RNPEP: variants seen among roughly 807,000 people sequenced by gnomAD.
The protein encoded by RNPEP is arginyl aminopeptidase, also known as aminopeptidase B.
Under a neutral mutation model 70.1 loss-of-function variants are expected in RNPEP, and 57 were observed. The observed-to-expected ratio is 0.81, with a 90% confidence interval of 0.66 to 1.01. The LOEUF (loss-of-function observed/expected upper bound fraction) is 1.01. RNPEP is among the 50% of genes least tolerant of loss of function. The pLI is 0.00. For missense variants in RNPEP, 787 were observed against 852.4 expected (o/e 0.92, Z 0.96); for synonymous variants, 335 against 357.4 (o/e 0.94, Z 0.71).
At chr1:201,990,379 C>T (rs537927937) in intron 3 of RNPEP, among the ~76,000 whole-genome samples, 1 of 151,420 alleles carries the variant, frequency 6.6e-6, no homozygotes, top group South Asian at 2.1e-4. Flanking sequence ...TTACATGGAT[C>T]TTGTGAAGAT....
chr1:202,000,667 C>G (rs570585264), intron 6 of RNPEP, among the ~76,000 whole-genome samples: 8 of 151,964 alleles, frequency 5.3e-5, no homozygotes, highest in Non-Finnish European at 8.8e-5. Context: ...CAGGTCAAAG[C>G]GGGTGGATCA....
At chr1:201,990,040 T>A (rs1440076554) in intron 3 of RNPEP, among the ~76,000 whole-genome samples, 1 of 152,182 alleles carries the variant, frequency 6.6e-6, no homozygotes, top group African/African-American at 2.4e-5. Context: ...AGACGGGGTT[T>A]CACCATGTTG....
At chr1:201,983,687 T>G in intron 1 of RNPEP, 1 of 1,172,928 alleles carries the variant, frequency 8.5e-7, no homozygotes, top group Non-Finnish European at 1.1e-6. Context: ...AGAATTTGAG[T>G]AAAAGTGAGA....
intron 1 of RNPEP, chr1:201,983,625 T>C (rs539540131): frequency 9.8e-6 from 12 of 1,228,412 alleles, no homozygotes; most frequent in Middle Eastern, 4.6e-4. Flanking sequence ...CGGTTAAAGC[T>C]CTTATCTTTG....
At chr1:201,990,283 C>A (rs1683279395) in intron 3 of RNPEP, among the ~76,000 whole-genome samples, 1 of 152,254 alleles carries the variant, frequency 6.6e-6, no homozygotes, top group Non-Finnish European at 1.5e-5. Flanking sequence ...GGTATCATTT[C>A]CCTCGAAGAG....
At chr1:202,005,480 G>C (rs1259397956) in intron 10 of RNPEP, 78 bp from the exon 11 acceptor site, 1 of 1,534,312 alleles carries the variant, frequency 6.5e-7, no homozygotes, top group African/African-American at 1.4e-5. Context: ...GCTGCTGTTA[G>C]ACTGGCACTG....
At chr1:202,001,179 G>A in intron 6 of RNPEP, 197 bp from the exon 7 acceptor site, 1 of 583,470 alleles carries the variant, frequency 1.7e-6, no homozygotes. Flanking sequence ...GAGATCTTAA[G>A]AGAGAGAGTC....
intron 6 of RNPEP, among the ~76,000 whole-genome samples, chr1:202,000,506 A>G (rs1683752709): frequency 6.6e-6 from 1 of 152,184 alleles, no homozygotes; most frequent in Non-Finnish European, 1.5e-5. Context: ...ATGTGTGACT[A>G]ATCTGAAACC....
At chr1:201,999,839 G>T in intron 5 of RNPEP, 63 bp from the exon 6 acceptor site, 1 of 1,339,176 alleles carries the variant, frequency 7.5e-7, no homozygotes, top group Non-Finnish European at 1.1e-6. Context: ...GTCTCTGTCA[G>T]GAAAATACAC....
chr1:201,982,765 C>T lies in RNPEP; in HGVS notation c.99C>T (p.Ala33=), dbSNP rs1682981051. The T allele has an allele frequency of 3.7e-6, 5 of 1,362,944 alleles. No individual in the cohort carries two copies. In the Admixed American group the frequency reaches 2.0e-4, roughly 54 times the overall value. The allele number at this position is 1,362,944 out of a possible 1,614,324, so 84.4% of individuals were successfully genotyped here. The change falls in exon 1 of 11, where the codon GCC becomes GCT. Residue 33 remains alanine, a synonymous_variant. Transcript: ENST00000295640. ...VDVASASNFR[A]FELLHLHLDL... is the part of the protein sequence containing the mutation. ...TGGCCTCGGCCTCCAACTTCCGGGC[C>T]TTTGAGCTGCTGCACTTGCACCTGG... is the stretch of plus-strand genomic sequence containing the variant.
chr1:201,999,802 C>G (rs1239575560), intron 5 of RNPEP, 100 bp from the exon 6 acceptor site: 2 of 892,934 alleles, frequency 2.2e-6, no homozygotes, highest in Non-Finnish European at 3.5e-6. Context: ...CGCTGTTCTT[C>G]TTGAGGCCAC....
chr1:201,984,513 T>C (rs1683054233), intron 1 of RNPEP, among the ~76,000 whole-genome samples: 1 of 152,086 alleles, frequency 6.6e-6, no homozygotes, highest in South Asian at 2.1e-4. Flanking sequence ...GTTCCCAGGT[T>C]GAGTTTTCTT....
chr1:201,983,064 CCGAG>C lies in RNPEP; in HGVS notation c.401_404del (p.Glu134AlafsTer40). On this transcript the variant is annotated frameshift_variant, in exon 1 of 11. Coordinates refer to ENST00000295640, the MANE Select transcript of RNPEP (RefSeq NM_020216.4). LOFTEE classifies it high-confidence loss of function. ...TCCTTCCCGCAGCCCTGCCGCGCCG[CCGAG>C]CGCCTCCAGGTGCTGCTCACCTACC... 6.5e-7 allele frequency: 1 copy of C among 1,527,464 alleles called. No individual in the cohort carries two copies. 94.6% of individuals were successfully genotyped at this position (1,527,464 alleles called of 1,614,324 possible).
intron 1 of RNPEP, among the ~76,000 whole-genome samples, chr1:201,984,556 T>C (rs1683055181): frequency 1.3e-5 from 2 of 152,040 alleles, no homozygotes; most frequent in African/African-American, 4.8e-5. Flanking sequence ...GATTTTCCTT[T>C]CACAGCCTGA....
intron 3 of RNPEP, among the ~76,000 whole-genome samples, chr1:201,992,709 A>G (rs1192041847): frequency 6.6e-6 from 1 of 152,068 alleles, no homozygotes; most frequent in Non-Finnish European, 1.5e-5. Flanking sequence ...CCGCTGCTAT[A>G]ATGTCCCAGT....
rs571656303 is a variant in RNPEP at position 201,999,907 on chromosome 1, G to A, written c.1096G>A (p.Ala366Thr). The A allele has an allele frequency of 3.1e-6, 5 of 1,613,436 alleles. No homozygotes were observed. Among genetic ancestry groups the A allele is most frequent in the Non-Finnish European group, 3.4e-6 (4 of 1,179,660 alleles). ...TACGTTTGATTCTGCACCAGGCGCTGCGTACACCTGCTTGGAGGCTGCAAC... is the reference window on the plus strand; with the variant it reads ...TACGTTTGATTCTGCACCAGGCGCTACGTACACCTGCTTGGAGGCTGCAAC... ...RRISTILFGAAYTCLEAATGR... is the reference protein window; with the variant it reads ...RRISTILFGATYTCLEAATGR... The change falls in exon 6 of 11, where the codon GCG becomes ACG. Residue 366 changes from alanine (A) to threonine (T), a missense_variant. Physicochemically the swap from Ala to Thr is moderately conservative, Grantham distance 58. Transcript: ENST00000295640.
rs548496352 is a variant in RNPEP at position 202,001,385 on chromosome 1, C to T, written c.1214C>T (p.Pro405Leu). The T allele has an allele frequency of 1.1e-5, 17 of 1,613,120 alleles. No individual in the cohort carries two copies. The highest frequency in any genetic ancestry group is 4.0e-5 in the African/African-American group (3 of 74,894). The change falls in exon 7 of 11, where the codon CCG (proline) becomes CTG (leucine). Residue 405 changes from proline to leucine, a missense_variant. By Grantham distance (98) the Pro-to-Leu change is moderately conservative. Transcript: ENST00000295640. Reference sequence around the variant, plus strand: ...CTTTCTCCTCTGCCAGGCGTTGACCCGGACGACACCTATAATGAGACCCCC... The same window carrying T: ...CTTTCTCCTCTGCCAGGCGTTGACCTGGACGACACCTATAATGAGACCCCC... ...LRVKIEPGVD[P>L]DDTYNETPYE...
Position 201,983,103 on chromosome 1 carries a change from A to G in RNPEP, c.437A>G (p.Glu146Gly). The G allele has an allele frequency of 6.7e-7, 1 of 1,493,752 alleles. No homozygotes were observed. The highest frequency in any genetic ancestry group is 1.3e-5 in the South Asian group (1 of 76,004). 92.5% of individuals were successfully genotyped at this position (1,493,752 alleles called of 1,614,324 possible). The change falls in exon 1 of 11, where the codon GAG becomes GGG. Residue 146 changes from glutamate (E) to glycine (G), a missense_variant. Transcript: ENST00000295640. ...LQVLLTYRVG[E>G]GPGVCWLAPE... ...GTGCTGCTCACCTACCGCGTCGGGG[A>G]GGGACCCGGGGTGAGTGCGCCCCAG... is the stretch of plus-strand genomic sequence containing the variant.
At position 202,000,531 on chromosome 1, in the gene RNPEP, A is replaced by G. The variant is rs184703096; in HGVS notation, c.1204+516A>G. ...AATCTGAAACCTTTTTATGCAATTGAAGCTCATGTTCCTTGATGCCGTTAA... is the reference window on the plus strand; with the variant it reads ...AATCTGAAACCTTTTTATGCAATTGGAGCTCATGTTCCTTGATGCCGTTAA... On this transcript the variant is annotated intron_variant, in intron 6 of 10. Transcript: ENST00000295640. Among the ~76,000 whole-genome samples the G allele has an allele frequency of 1.7e-3, 255 of 152,290 alleles. 1 individual carries two copies. Among genetic ancestry groups the G allele is most frequent in the Non-Finnish European group, 1.9e-3 (129 of 68,030 alleles).
Sources: gnomAD v4.1 joint callset for allele counts (sites outside exome capture counted in the v4.1 genomes callset) on GRCh38, gnomAD v4.1.1 for gene constraint, MANE v1.5 for transcripts, NCBI Gene and HGNC (gene_info 2026-07-23, HGNC 2026-07-21) for gene names.